PCDH15: variants seen among roughly 807,000 people sequenced by gnomAD.
PCDH15 encodes protocadherin-15.
Under a neutral mutation model 178.5 loss-of-function variants are expected in PCDH15, and 129 were observed. The observed-to-expected ratio is 0.72, with a 90% CI of 0.63 to 0.84. PCDH15 has a LOEUF of 0.84. Ranked by LOEUF, PCDH15 falls within the 40% of genes least tolerant of loss-of-function variation. PCDH15 has a pLI of 0.00. For missense variants in PCDH15, 2,230 were observed against 2,099.9 expected, an observed-to-expected ratio of 1.06 and a Z score of -1.21; for synonymous variants, 800 against 732.0, an observed-to-expected ratio of 1.09 and a Z score of -1.50.
intron 2 of PCDH15, among the ~76,000 whole-genome samples, chr10:54,569,301 A>C (rs985650218): frequency 1.3e-5 from 2 of 152,134 alleles, no homozygotes; most frequent in South Asian, 2.1e-4. Flanking sequence ...TAGGCCATTC[A>C]ATTATCGGTG....
chr10:54,839,598 AAAT>A (rs1280395098), intron 3 of PCDH15, among the ~76,000 whole-genome samples: 1 of 152,134 alleles, frequency 6.6e-6, no homozygotes, highest in Non-Finnish European at 1.5e-5. Flanking sequence ...ATATTTTAAG[AAAT>A]AATGACTGAT....
chr10:54,853,318 T>TACATATATAC (rs1554806810), intron 3 of PCDH15, among the ~76,000 whole-genome samples: 2 of 102,054 alleles, frequency 2.0e-5, no homozygotes, highest in African/African-American at 8.6e-5. Flanking sequence ...TATATATATA[T>TACATATATAC]ACATACACAC....
At chr10:55,300,612 T>C (rs1002220561) in intron 1 of PCDH15, among the ~76,000 whole-genome samples, 4 of 152,146 alleles carry the variant, frequency 2.6e-5, no homozygotes, top group African/African-American at 9.7e-5. Context: ...ATCTAAATAA[T>C]GATGAGATTT....
intron 2 of PCDH15, among the ~76,000 whole-genome samples, chr10:55,518,812 G>C (rs1565216181): frequency 2.0e-5 from 3 of 151,736 alleles, no homozygotes; most frequent in Non-Finnish European, 2.9e-5. Context: ...CTCTTAATCT[G>C]GGCCGGGGCG....
intron 1 of PCDH15, among the ~76,000 whole-genome samples, chr10:55,268,444 T>C (rs563688257): frequency 5.3e-5 from 8 of 152,318 alleles, no homozygotes; most frequent in Admixed American, 5.2e-4. Context: ...GTGATTTCAG[T>C]AAATTGCCAT....
At chr10:55,277,772 G>C (rs1364954264) in intron 1 of PCDH15, among the ~76,000 whole-genome samples, 1 of 152,044 alleles carries the variant, frequency 6.6e-6, no homozygotes, top group Non-Finnish European at 1.5e-5. Flanking sequence ...ACCATTAGCA[G>C]AGTAATTAGG....
intron 1 of PCDH15, among the ~76,000 whole-genome samples, chr10:54,770,203 C>T (rs1335932026): frequency 6.6e-6 from 1 of 152,022 alleles, no homozygotes; most frequent in Admixed American, 6.6e-5. Flanking sequence ...CAGAGAATCC[C>T]CTTTTAATGA....
chr10:55,419,336 G>A (rs1038465021), intron 2 of PCDH15, among the ~76,000 whole-genome samples: 5 of 151,722 alleles, frequency 3.3e-5, no homozygotes, highest in Non-Finnish European at 7.4e-5. Flanking sequence ...CAGTAAGTAA[G>A]CAGGTGTCCA....
intron 15 of PCDH15, among the ~76,000 whole-genome samples, chr10:54,100,334 C>T (rs1244682181): frequency 6.6e-6 from 1 of 151,050 alleles, no homozygotes; most frequent in East Asian, 2.0e-4. Flanking sequence ...CATTGCACTC[C>T]AGCCTGAGTG....
chr10:54,572,564 A>T (rs2089975495), intron 2 of PCDH15, among the ~76,000 whole-genome samples: 1 of 152,138 alleles, frequency 6.6e-6, no homozygotes, highest in Non-Finnish European at 1.5e-5. Flanking sequence ...GTTCTCTTTA[A>T]ATTTGAGTGG....
At position 53,971,398 on chromosome 10, in the gene PCDH15, C is replaced by G. The variant is rs146160200; in HGVS notation, c.2869-9506G>C. On this transcript the variant is annotated intron_variant, in intron 21 of 37. Transcript: ENST00000644397. ...GGTACAAGACAGGGATGCCCTATCT[C>G]ACCACTCTTATTCAACATAGTGTTG... is the stretch of plus-strand genomic sequence containing the variant. Among the ~76,000 whole-genome samples, 192 of 152,262 alleles carry G rather than the reference C, an allele frequency of 1.3e-3. 9 individuals are homozygous for G. The East Asian group carries it at 0.036, about 28-fold the overall frequency.
At chr10:53,978,408 T>C (rs1005974468) in intron 21 of PCDH15, among the ~76,000 whole-genome samples, 1 of 152,144 alleles carries the variant, frequency 6.6e-6, no homozygotes, top group East Asian at 1.9e-4. Flanking sequence ...TGGCCCATTT[T>C]AACCATGGCT....
intron 2 of PCDH15, among the ~76,000 whole-genome samples, chr10:55,121,729 A>G (rs1478907896): frequency 2.0e-5 from 3 of 152,076 alleles, no homozygotes; most frequent in Admixed American, 2.0e-4. Flanking sequence ...CTGCCCTTTT[A>G]CCCTTCTGTC....
chr10:54,401,988 A>T (rs1951993247), intron 3 of PCDH15, among the ~76,000 whole-genome samples: 1 of 151,892 alleles, frequency 6.6e-6, no homozygotes, highest in African/African-American at 2.4e-5. Flanking sequence ...AGATACAAAA[A>T]TACTTAATGA....
In PCDH15 at chr10:55,128,859, G is replaced by A. The variant is rs371450401; in HGVS notation, c.-80+37717C>T. Among the ~76,000 whole-genome samples the A allele has an allele frequency of 5.3e-5, 8 of 152,056 alleles. No individual in the cohort carries two copies. The East Asian group carries it at 5.8e-4, about 11-fold the overall frequency. On this transcript the variant is annotated intron_variant, in intron 2 of 5. Transcript: ENST00000458638. ...AATTTTGAAGTATTTGAGGCTTAAC[G>A]CTACTTGCAAGCATCAAGTTAGCCT...
At chr10:54,631,956 G>T (rs1312545860) in intron 2 of PCDH15, among the ~76,000 whole-genome samples, 1 of 151,884 alleles carries the variant, frequency 6.6e-6, no homozygotes, top group African/African-American at 2.4e-5. Context: ...TGACACGTGG[G>T]GATTAAAAGG....
intron 8 of PCDH15, among the ~76,000 whole-genome samples, chr10:54,289,303 C>A (rs572825181): frequency 4.6e-5 from 7 of 152,264 alleles, no homozygotes; most frequent in Admixed American, 1.3e-4. Context: ...ATAAAACTAA[C>A]AAAGGAATAG....
At chr10:54,499,211 A>C (rs940643809) in intron 3 of PCDH15, among the ~76,000 whole-genome samples, 1 of 152,172 alleles carries the variant, frequency 6.6e-6, no homozygotes, top group South Asian at 2.1e-4. Flanking sequence ...AGATAAACAT[A>C]CAATGATAAT....
chr10:54,044,363 A>G (rs2093614827), intron 18 of PCDH15, among the ~76,000 whole-genome samples: 1 of 152,136 alleles, frequency 6.6e-6, no homozygotes, highest in South Asian at 2.1e-4. Context: ...TTTCTTATGT[A>G]TGACCAGAGA....
Sources: allele counts gnomAD v4.1 joint callset (sites outside exome capture counted in the v4.1 genomes callset), GRCh38; gene constraint gnomAD v4.1.1; transcripts MANE v1.5; gene names NCBI Gene and HGNC (gene_info 2026-07-23, HGNC 2026-07-21).